Variants in PARD3B observed in about 807,000 individuals in gnomAD.
The protein encoded by PARD3B is par-3 family cell polarity regulator beta.
PARD3B carries 103 observed loss-of-function variants against 130.2 expected under a neutral mutation model. The observed-to-expected ratio is 0.79, with a 90% CI of 0.67 to 0.93. PARD3B has a LOEUF of 0.93. PARD3B is among the 40% of genes least tolerant of loss of function. The pLI is 0.00. For synonymous variants in PARD3B, 583 were observed against 553.2 expected (o/e 1.05, Z -0.76); for missense variants, 1,609 against 1,499.2 (o/e 1.07, Z -1.21).
chr2:205,172,105 CT>C (rs1306773152), intron 11 of PARD3B, 105 bp from the exon 12 acceptor site: 21 of 1,174,992 alleles, frequency 1.8e-5, no homozygotes, highest in Non-Finnish European at 2.5e-5. Context: ...GCTAGGTTTT[CT>C]TTTTTTCTTT....
chr2:205,095,813 C>A (rs938116232), intron 4 of PARD3B, among the ~76,000 whole-genome samples: 21 of 151,964 alleles, frequency 1.4e-4, no homozygotes, highest in African/African-American at 4.8e-4. Flanking sequence ...TTTTAAAGAA[C>A]TTTATTATAA....
At chr2:205,472,754 C>T (rs1173713872) in intron 20 of PARD3B, among the ~76,000 whole-genome samples, 1 of 152,080 alleles carries the variant, frequency 6.6e-6, no homozygotes. Context: ...AGTCTTCAAC[C>T]TTGAGTGTAT....
chr2:204,657,225 A>G (rs1315567342), intron 1 of PARD3B, among the ~76,000 whole-genome samples: 7 of 152,326 alleles, frequency 4.6e-5, no homozygotes, highest in Non-Finnish European at 8.8e-5. Flanking sequence ...ATACTTAACC[A>G]TACATTAAGA....
chr2:205,104,898 T>C (rs1198602057), intron 5 of PARD3B, among the ~76,000 whole-genome samples: 6 of 152,174 alleles, frequency 3.9e-5, no homozygotes, highest in Non-Finnish European at 7.3e-5. Context: ...TAAATTTAGC[T>C]CTTTGAGTGC....
At chr2:204,783,968 A>C (rs893534561) in intron 2 of PARD3B, among the ~76,000 whole-genome samples, 2 of 152,090 alleles carry the variant, frequency 1.3e-5, no homozygotes, top group Non-Finnish European at 2.9e-5. Flanking sequence ...ACCTATTGTA[A>C]CAGTTAAGAG....
In PARD3B at chr2:205,299,563, A is replaced by T. The variant is rs1160118125; in HGVS notation, c.2186-967A>T. Among the ~76,000 whole-genome samples, 6 of 7,204 alleles carry T rather than the reference A, an allele frequency of 8.3e-4. 1 individual carries two copies. The South Asian group carries it at 0.034, about 41-fold the overall frequency. 4.7% of individuals were successfully genotyped at this position (7,204 alleles called of 152,430 possible). A position where few individuals can be genotyped will look rare whatever the true frequency, so the allele number is the denominator to read the frequency against. ...GATAATCCTGCTAATATTATATATT[A>T]TATATATATATATAATATATATATA... is the stretch of plus-strand genomic sequence containing the variant. On this transcript the variant is annotated intron_variant, in intron 16 of 22. Transcript: ENST00000406610.
At chr2:205,061,616 A>T (rs1350708467) in intron 4 of PARD3B, among the ~76,000 whole-genome samples, 2 of 152,080 alleles carry the variant, frequency 1.3e-5, no homozygotes, top group Non-Finnish European at 2.9e-5. Context: ...GATAAGATAG[A>T]CTATAGAAGT....
chr2:205,254,825 C>A (rs1021296921), intron 16 of PARD3B, among the ~76,000 whole-genome samples: 2 of 151,300 alleles, frequency 1.3e-5, no homozygotes, highest in Admixed American at 6.6e-5. Context: ...CCACCTCGCC[C>A]GGCTAATTTT....
At chr2:204,551,826 T>C (rs1371699470) in intron 1 of PARD3B, among the ~76,000 whole-genome samples, 3 of 152,220 alleles carry the variant, frequency 2.0e-5, no homozygotes, top group African/African-American at 7.2e-5. Context: ...TTTGTGAGAC[T>C]ATTTTATGAG....
rs1463445503 is a variant in PARD3B at position 205,407,464 on chromosome 2, A to C, written c.2741+6341A>C. Reference sequence around the variant, plus strand: ...TTTTTCACACATTCAGATTATGTAAATTAGCATCTTGAGCTGAAAGCAAGA... The same window carrying C: ...TTTTTCACACATTCAGATTATGTAACTTAGCATCTTGAGCTGAAAGCAAGA... On this transcript the variant is annotated intron_variant, in intron 19 of 22. Transcript: ENST00000406610. This position sits in a 1 kb window ranked among gnomAD's most constrained non-coding sequence, Gnocchi z 4.1. Among the ~76,000 whole-genome samples the C allele has an allele frequency of 6.6e-6, 1 of 152,224 alleles. No individual in the cohort carries two copies. Among genetic ancestry groups the C allele is most frequent in the Non-Finnish European group, 1.5e-5 (1 of 68,030 alleles).
chr2:204,676,919 CG>C (rs1229680505), intron 1 of PARD3B, among the ~76,000 whole-genome samples: 2 of 152,108 alleles, frequency 1.3e-5, no homozygotes, highest in Non-Finnish European at 2.9e-5. Flanking sequence ...CCACCCACCT[CG>C]GCCTCCCAAA....
chr2:205,140,164 G>A (rs1414983027), intron 10 of PARD3B, among the ~76,000 whole-genome samples: 1 of 152,212 alleles, frequency 6.6e-6, no homozygotes, highest in Non-Finnish European at 1.5e-5. Context: ...GGCAGGTAGT[G>A]AAAGGCCCCT....
intron 18 of PARD3B, among the ~76,000 whole-genome samples, chr2:205,346,015 C>CA (rs1248265643): frequency 2.5e-5 from 3 of 120,120 alleles, no homozygotes; most frequent in African/African-American, 7.8e-5. Flanking sequence ...TACTAAAATA[C>CA]AAAAAATTAG....
At chr2:205,612,843 C>T (rs1308321859) in intron 22 of PARD3B, among the ~76,000 whole-genome samples, 1 of 152,164 alleles carries the variant, frequency 6.6e-6, no homozygotes, top group Non-Finnish European at 1.5e-5. Context: ...TGAGGTCTGC[C>T]CTATCTGCCC....
Position 204,999,391 on chromosome 2 carries a change from G to T in PARD3B, c.394+34068G>T, listed in dbSNP as rs182459988. 8.3e-3 allele frequency among the ~76,000 whole-genome samples: 1,257 copies of T among 152,174 alleles called. 19 individuals carry two copies. Among genetic ancestry groups the T allele is most frequent in the African/African-American group, 0.029 (1,204 of 41,508 alleles). On this transcript the variant is annotated intron_variant, in intron 3 of 22. Coordinates refer to ENST00000406610, the MANE Select transcript of PARD3B (RefSeq NM_001302769.2). ...AAAACATTTACTTAGAATTTCCATG[G>T]TTTCATACTGTCTGAAATTAATTCA...
chr2:204,648,770 AAAT>A (rs1182902728), intron 1 of PARD3B, among the ~76,000 whole-genome samples: 2 of 16,096 alleles, frequency 1.2e-4, no homozygotes, highest in Non-Finnish European at 1.9e-4. Context: ...GATATCATAT[AAAT>A]AATATATATT....
chr2:204,683,877 C>A (rs1184608591), intron 1 of PARD3B, among the ~76,000 whole-genome samples: 1 of 151,968 alleles, frequency 6.6e-6, no homozygotes, highest in African/African-American at 2.4e-5. Flanking sequence ...TACTTTTTTA[C>A]TTCATTTAGT....
At position 205,592,152 on chromosome 2, in the gene PARD3B, AAC is replaced by A. The variant is rs1378847075; in HGVS notation, c.3261-23300_3261-23299del. On this transcript the variant is annotated intron_variant, in intron 22 of 22. Transcript: ENST00000406610. The surrounding 1 kb of genome is among the most constrained non-coding windows in gnomAD (Gnocchi z 4.5). ...TTCCCACTTCCGAGTGAAGAAAATA[AAC>A]ACAGAGAAGTTTCTCATTCAAAGCC... 6.6e-6 allele frequency among the ~76,000 whole-genome samples: 1 copy of A among 152,222 alleles called. No homozygotes were observed. The highest frequency in any genetic ancestry group is 2.4e-5 in the African/African-American group (1 of 41,458).
intron 2 of PARD3B, among the ~76,000 whole-genome samples, chr2:204,706,212 A>G (rs1339576223): frequency 4.0e-5 from 6 of 151,830 alleles, no homozygotes. Context: ...CTAAAAATAC[A>G]AAAAATTAGC....
Sources: gnomAD v4.1 joint callset for allele counts (sites outside exome capture counted in the v4.1 genomes callset) on GRCh38, gnomAD v4.1.1 for gene constraint, Gnocchi (gnomAD v3.1) non-coding constraint, MANE v1.5 for transcripts, NCBI Gene and HGNC (gene_info 2026-07-23, HGNC 2026-07-21) for gene names.